The following KCNC3 variants were observed in gnomAD, a reference collection of about 807,000 sequenced individuals.
KCNC3 encodes the protein potassium voltage-gated channel subfamily C member 3, also known as voltage-gated potassium channel KCNC3.
In KCNC3, 22 loss-of-function variants were observed where a neutral mutation model predicts 43.9. That is an observed-to-expected ratio of 0.50 (90% CI 0.36 to 0.72). The LOEUF (loss-of-function observed/expected upper bound fraction) is 0.72. Ranked by LOEUF, KCNC3 falls within the 30% of genes least tolerant of loss-of-function variation. The probability of loss-of-function intolerance (pLI) is 0.00; values close to 1 mark genes in which losing one functional copy is unlikely to be tolerated. For synonymous variants in KCNC3, 492 were observed against 488.0 expected, an observed-to-expected ratio of 1.01 and a Z score of -0.11; for missense variants, 829 against 1,073.8, an observed-to-expected ratio of 0.77 and a Z score of 3.19.
chr19:50,329,040 C>T lies in KCNC3; in HGVS notation c.43G>A (p.Gly15Arg). The T allele has an allele frequency of 3.7e-6, 5 of 1,343,514 alleles. No homozygotes were observed. The highest frequency in any genetic ancestry group is 1.8e-5 in the South Asian group (1 of 56,232). The allele number at this position is 1,343,514 out of a possible 1,614,324, so 83.2% of individuals were successfully genotyped here. A position where few individuals can be genotyped will look rare whatever the true frequency, so the allele number is the denominator to read the frequency against. ...GGCGCCGGCTGCTGCTTGCTGGCCC[C>T]CTGGCGCCCGCGGAAGGACGAGACG... The part of the protein sequence containing the change: ...VCVSSFRGRQ[G>R]ASKQQPAPPP... The change falls in exon 1 of 5, where the codon GGG (glycine) becomes AGG (arginine). Residue 15 changes from glycine (G) to arginine (R), a missense_variant. Gly to Arg is a moderately radical substitution (Grantham distance 125, BLOSUM62 -2). Transcript: ENST00000477616.
upstream of KCNC3, chr19:50,329,803 G>A (rs1351352793): frequency 2.0e-5 from 3 of 152,396 alleles, no homozygotes; most frequent in Admixed American, 2.0e-4. Flanking sequence ...TCGGTGAGAA[G>A]GTGTTGAAAC....
Position 50,324,847 on chromosome 19 carries a change from C to T in KCNC3, c.871-765G>A, listed in dbSNP as rs1309519466. On this transcript the variant is annotated intron_variant, in intron 1 of 4. Coordinates refer to ENST00000477616, the MANE Select transcript of KCNC3 (RefSeq NM_004977.3). The surrounding 1 kb of genome is among the most constrained non-coding windows in gnomAD (Gnocchi z 4.1). ...CAGAGAGGACAGGGCAGTGGTGGTG[C>T]CACAGAGGGGAGGTGGGGGTCCGGG... Among the ~76,000 whole-genome samples the T allele has an allele frequency of 6.6e-6, 1 of 151,804 alleles. No individual in the cohort carries two copies. Among genetic ancestry groups the T allele is most frequent in the Non-Finnish European group, 1.5e-5 (1 of 67,976 alleles).
chr19:50,320,159 G>T, intron 4 of KCNC3, 64 bp downstream of exon 4: 1 of 304,306 alleles, frequency 3.3e-6, no homozygotes, highest in South Asian at 7.5e-5. Context: ...GTTCTCAGAA[G>T]GGTTAGTCAG....
Position 50,328,504 on chromosome 19 carries a change from G to C in KCNC3, c.579C>G (p.Arg193=), listed in dbSNP as rs138237939. Residue 193 remains arginine (R), a synonymous_variant, in exon 1 of 5, where the codon CGC becomes CGG. Transcript: ENST00000477616. ...ACCWMTYRQH[R]DAEEALDSFE... ...AGGAGTCGAGCGCCTCCTCAGCGTCGCGATGCTGCCGGTAGGTCATCCAGC... is the reference window on the plus strand; with the variant it reads ...AGGAGTCGAGCGCCTCCTCAGCGTCCCGATGCTGCCGGTAGGTCATCCAGC... 3.3e-4 allele frequency: 526 copies of C among 1,610,130 alleles called. 1 individual carries two copies. The highest frequency in any genetic ancestry group is 3.9e-4 in the Non-Finnish European group (459 of 1,179,364).
intron 1 of KCNC3, among the ~76,000 whole-genome samples, chr19:50,325,930 GCACCCGCCGCAGTGCGCAGC>G: frequency 6.6e-6 from 1 of 152,104 alleles, no homozygotes; most frequent in East Asian, 1.9e-4. Context: ...GGAAAGGTGG[GCACCCGCCGCAGTGCGCAGC>G]TGCAGAGGCT....
rs1019455452 is a variant in KCNC3 at position 50,326,667 on chromosome 19, C to T, written c.870+1546G>A. On this transcript the variant is annotated intron_variant, in intron 1 of 4. Coordinates refer to ENST00000477616, the MANE Select transcript of KCNC3 (RefSeq NM_004977.3). ...CCAATTGCCCCCATTTTGCACTGCC[C>T]CCCTTTTCCACCACATTCTCCCTCC... Among the ~76,000 whole-genome samples the T allele has an allele frequency of 2.0e-5, 3 of 152,278 alleles. No homozygotes were observed. The East Asian group carries it at 5.8e-4, about 29-fold the overall frequency.
At chr19:50,317,333 G>T (rs2036970456) in intron 4 of KCNC3, among the ~76,000 whole-genome samples, 1 of 152,070 alleles carries the variant, frequency 6.6e-6, no homozygotes, top group Non-Finnish European at 1.5e-5. Context: ...GTGGTGGGTT[G>T]GTCATGGCCT....
chr19:50,318,133 C>T (rs1294396531), intron 4 of KCNC3, among the ~76,000 whole-genome samples: 1 of 151,830 alleles, frequency 6.6e-6, no homozygotes, highest in Non-Finnish European at 1.5e-5. Context: ...TAGTCTTGTT[C>T]TTTTATCTTT....
At chr19:50,329,508 A>C (rs180737909), upstream of KCNC3, 860 of 150,764 alleles carry the variant, frequency 5.7e-3, 1 homozygote, top group Non-Finnish European at 9.3e-3. Context: ...CAAGCTATTT[A>C]AAGACGCCCG....
rs375488867 is a variant in KCNC3 at position 50,320,324 on chromosome 19, G to C, written c.2196C>G (p.Pro732=). Residue 732 remains proline (P), a synonymous_variant, in exon 4 of 5, where the codon CCC becomes CCG. Coordinates refer to ENST00000477616, the MANE Select transcript of KCNC3 (RefSeq NM_004977.3). ...RKATGAPPLP[P]QDWRKPGPPS... ...GGGGGCCTGGCTTACGCCAGTCTTG[G>C]GGGGGCAGTGGGGGAGCACCAGTGG... is the stretch of plus-strand genomic sequence containing the variant. The C allele has an allele frequency of 2.2e-4, 97 of 433,208 alleles. No homozygotes were observed. In the Admixed American group the frequency reaches 2.5e-3, roughly 11 times the overall value. 26.8% of individuals were successfully genotyped at this position (433,208 alleles called of 1,614,324 possible). A position where few individuals can be genotyped will look rare whatever the true frequency, so the allele number is the denominator to read the frequency against.
chr19:50,322,648 G>T (rs1770027478), intron 2 of KCNC3, among the ~76,000 whole-genome samples: 1 of 152,064 alleles, frequency 6.6e-6, no homozygotes, highest in Non-Finnish European at 1.5e-5. Flanking sequence ...GTCTGCCTGT[G>T]ATTCCTGTGA....
upstream of KCNC3, among the ~76,000 whole-genome samples, chr19:50,331,873 T>C (rs7247315): frequency 0.019 from 2,824 of 152,188 alleles, 91 homozygotes; most frequent in African/African-American, 0.062. Flanking sequence ...CCGTTCCTTT[T>C]TCTCAGACCC....
rs372870084 is a variant in KCNC3 at position 50,323,123 on chromosome 19, G to A, written c.1830C>T (p.Ala610=). ...ITPPSMGVTV[A]GAYPAGPHTH... is the part of the protein sequence containing the mutation. Reference sequence around the variant, plus strand: ...TGTGGGGCCCCGCTGGGTAGGCCCCGGCCACAGTCACCCCCATGGAGGGTG... The same window carrying A: ...TGTGGGGCCCCGCTGGGTAGGCCCCAGCCACAGTCACCCCCATGGAGGGTG... The change falls in exon 2 of 5, where the codon GCC becomes GCT. Residue 610 remains alanine (A), a synonymous_variant. Transcript: ENST00000477616. 36 of 1,536,216 alleles carry A rather than the reference G, an allele frequency of 2.3e-5. No homozygotes were observed. The East Asian group carries it at 2.9e-4, about 13-fold the overall frequency.
Position 50,320,660 on chromosome 19 carries a change from A to G in KCNC3, c.2103T>C (p.Tyr701=). Residue 701 remains tyrosine, a synonymous_variant, in exon 3 of 5, where the codon TAT becomes TAC. Transcript: ENST00000477616. ...SPITPGSRGR[Y]SRDRACFLLT... ...GGAGGAAGCAGGCTCGGTCCCGGCT[A>G]TAGCGGCCACGGCTTCCAGGCGTGA... 2.5e-6 allele frequency: 4 copies of G among 1,613,552 alleles called. No homozygotes were observed. Among genetic ancestry groups the G allele is most frequent in the Non-Finnish European group, 3.4e-6 (4 of 1,179,912 alleles).
rs2036901122 is a variant in KCNC3, at chr19:50,313,083, T to C, written c.*3032A>G. ...GTGGCTAATTCCGTGGGACCCCGGC[T>C]CCAAAAGGGGGGTCCGCTAAAGAGT... is the stretch of plus-strand genomic sequence containing the variant. On this transcript the variant is annotated 3_prime_UTR_variant, in exon 5 of 5. Transcript: ENST00000477616. 1 of 151,980 alleles carries C rather than the reference T, an allele frequency of 6.6e-6. No homozygotes were observed. The highest frequency in any genetic ancestry group is 1.5e-5 in the Non-Finnish European group (1 of 68,004). The allele number at this position is 151,980 out of a possible 1,614,324, so 9.4% of individuals were successfully genotyped here. A position where few individuals can be genotyped will look rare whatever the true frequency, so the allele number is the denominator to read the frequency against.
At chr19:50,322,913 C>A in intron 2 of KCNC3, 62 bp downstream of exon 2, 1 of 1,502,174 alleles carries the variant, frequency 6.7e-7, no homozygotes. Context: ...ACCCCGGCAG[C>A]TACCTCCCCA....
rs1202933168 is a variant in KCNC3, at chr19:50,322,596, G to T, written c.1978+379C>A. Among the ~76,000 whole-genome samples, 3 of 152,004 alleles carry T rather than the reference G, an allele frequency of 2.0e-5. No individual in the cohort carries two copies. In the South Asian group the frequency reaches 6.2e-4, roughly 32 times the overall value. On this transcript the variant is annotated intron_variant, in intron 2 of 4. Transcript: ENST00000477616. Reference sequence around the variant, plus strand: ...CTCTCTTCCCTCAGGGCTGTCTCCCGGATGCTCAGATGCTGCTACGTTCCC... The same window carrying T: ...CTCTCTTCCCTCAGGGCTGTCTCCCTGATGCTCAGATGCTGCTACGTTCCC...
At position 50,328,232 on chromosome 19, in the gene KCNC3, T is replaced by TA. The variant is rs1382838254; in HGVS notation, c.850dup (p.Tyr284LeufsTer30). ...GCTCACCCTGGCAGCCCGCGACGAG[T>TA]AGGGGTCCTCGAAGAGCGCCCACAC... On this transcript the variant is annotated frameshift_variant, in exon 1 of 5. Transcript: ENST00000477616. LOFTEE classifies it high-confidence loss of function. The TA allele has an allele frequency of 8.4e-7, 1 of 1,187,128 alleles. No individual in the cohort carries two copies. Among genetic ancestry groups the TA allele is most frequent in the African/African-American group, 1.6e-5 (1 of 62,272 alleles). 73.5% of individuals were successfully genotyped at this position (1,187,128 alleles called of 1,614,324 possible).
intron 4 of KCNC3, among the ~76,000 whole-genome samples, chr19:50,317,586 G>C (rs1042339526): frequency 2.0e-5 from 3 of 152,070 alleles, no homozygotes; most frequent in African/African-American, 7.3e-5. Flanking sequence ...AATCCGTCCT[G>C]ATCTTTCTCC....
Sources: gnomAD v4.1 joint callset for allele counts (sites outside exome capture counted in the v4.1 genomes callset) on GRCh38, gnomAD v4.1.1 for gene constraint, Gnocchi (gnomAD v3.1) non-coding constraint, MANE v1.5 for transcripts, NCBI Gene and HGNC (gene_info 2026-07-23, HGNC 2026-07-21) for gene names.